The following FAM227B variants were observed in gnomAD, a reference collection of about 807,000 sequenced individuals.
FAM227B encodes protein FAM227B.
Under a neutral mutation model 73.8 loss-of-function variants are expected in FAM227B, and 88 were observed. The ratio of observed to expected loss-of-function variants is 1.19; its 90% confidence interval spans 1.00 to 1.42. FAM227B has a LOEUF of 1.42. Among genes scored for constraint, FAM227B ranks in the 40% most tolerant of loss-of-function variants. The pLI is 0.00. For missense variants in FAM227B, 632 were observed against 590.9 expected, an observed-to-expected ratio of 1.07 and a Z score of -0.72; for synonymous variants, 210 against 190.5, an observed-to-expected ratio of 1.10 and a Z score of -0.84.
At chr15:49,420,109 G>C (rs1461360585) in intron 11 of FAM227B, among the ~76,000 whole-genome samples, 1 of 152,154 alleles carries the variant, frequency 6.6e-6, no homozygotes, top group Non-Finnish European at 1.5e-5. Flanking sequence ...CACAACCTCT[G>C]TGGAGGATAA....
At chr15:49,545,813 T>G (rs971424982) in intron 9 of FAM227B, among the ~76,000 whole-genome samples, 8 of 152,146 alleles carry the variant, frequency 5.3e-5, no homozygotes, top group African/African-American at 1.9e-4. Flanking sequence ...AGGGTTCCTT[T>G]TGGAGTAATT....
chr15:49,587,886 G>A, intron 5 of FAM227B, 130 bp downstream of exon 5: 1 of 786,704 alleles, frequency 1.3e-6, no homozygotes. Flanking sequence ...AAAACATAGA[G>A]ATAGATTGGT....
chr15:49,465,150 G>A (rs1387551400), intron 11 of FAM227B, among the ~76,000 whole-genome samples: 1 of 151,960 alleles, frequency 6.6e-6, no homozygotes, highest in African/African-American at 2.4e-5. Context: ...TATTTTTTGA[G>A]ATGGAGTCTC....
chr15:49,488,657 T>C (rs2056613784), intron 11 of FAM227B: 1 of 152,080 alleles, frequency 6.6e-6, no homozygotes, highest in Non-Finnish European at 1.5e-5. Flanking sequence ...ATTCTAATAA[T>C]TGAAATGTGA....
intron 11 of FAM227B, among the ~76,000 whole-genome samples, chr15:49,498,101 C>A (rs1339476101): frequency 6.6e-6 from 1 of 152,202 alleles, no homozygotes; most frequent in Non-Finnish European, 1.5e-5. Context: ...GCTATGGTAA[C>A]TCTCATAAGT....
In FAM227B at chr15:49,496,086, T is replaced by C. The variant is rs1012377133; in HGVS notation, c.1012+12125A>G. Among the ~76,000 whole-genome samples the C allele has an allele frequency of 5.9e-5, 9 of 152,232 alleles. No homozygotes were observed. In the South Asian group the frequency reaches 1.0e-3, roughly 18 times the overall value. ...AATCCAAGTAGCTCTTTATAACATA[T>C]GGAATCCTAAAGCATCTGGCTATTA... On this transcript the variant is annotated intron_variant, in intron 11 of 15. Transcript: ENST00000299338.
chr15:49,563,119 GTAAGACTGA>G (rs2074385545), intron 9 of FAM227B, among the ~76,000 whole-genome samples: 1 of 152,064 alleles, frequency 6.6e-6, no homozygotes, highest in Non-Finnish European at 1.5e-5. Flanking sequence ...CAAAAGGTCT[GTAAGACTGA>G]TAAACAACTC....
chr15:49,618,111 T>C (rs548585968), intron 1 of FAM227B, among the ~76,000 whole-genome samples: 33 of 152,292 alleles, frequency 2.2e-4, no homozygotes, highest in African/African-American at 7.0e-4. Context: ...ACATATGCAG[T>C]TCCTTTTGCC....
chr15:49,356,242 T>G (rs2043148018), intron 13 of FAM227B, among the ~76,000 whole-genome samples: 1 of 150,130 alleles, frequency 6.7e-6, no homozygotes. Context: ...ACATAACAAT[T>G]TAAATGTAAA....
chr15:49,395,430 C>T (rs1023150277), intron 11 of FAM227B, among the ~76,000 whole-genome samples: 2 of 152,128 alleles, frequency 1.3e-5, no homozygotes, highest in Non-Finnish European at 1.5e-5. Context: ...GGCTAAAATT[C>T]TAGAGGGAAG....
intron 4 of FAM227B, among the ~76,000 whole-genome samples, chr15:49,588,840 A>G (rs899677155): frequency 2.6e-5 from 4 of 151,234 alleles, no homozygotes; most frequent in Non-Finnish European, 4.4e-5. Flanking sequence ...TTAAATATGA[A>G]AATTTTTAAA....
At position 49,598,583 on chromosome 15, in the gene FAM227B, C is replaced by G. The variant is rs934756511; in HGVS notation, c.106-8576G>C. ...TATTGATTATGATGTTAGATGTGGG[C>G]TTTCATATACGGTCCTTATAATCTC... is the stretch of plus-strand genomic sequence containing the variant. On this transcript the variant is annotated intron_variant, in intron 3 of 15. Transcript: ENST00000299338. Among the ~76,000 whole-genome samples, 4 of 151,930 alleles carry G rather than the reference C, an allele frequency of 2.6e-5. 1 individual carries two copies. The highest frequency in any genetic ancestry group is 5.9e-5 in the Non-Finnish European group (4 of 67,882).
chr15:49,580,489 G>C (rs1375439154), intron 5 of FAM227B, among the ~76,000 whole-genome samples: 1 of 152,104 alleles, frequency 6.6e-6, no homozygotes, highest in East Asian at 1.9e-4. Flanking sequence ...AAAGCCAATT[G>C]ACTACACTCA....
chr15:49,577,887 A>G (rs1431140525), intron 5 of FAM227B, among the ~76,000 whole-genome samples: 1 of 152,208 alleles, frequency 6.6e-6, no homozygotes, highest in Non-Finnish European at 1.5e-5. Context: ...TACATATACA[A>G]ACAAAACAAA....
chr15:49,441,118 T>C (rs1262516467), intron 11 of FAM227B, among the ~76,000 whole-genome samples: 1 of 151,684 alleles, frequency 6.6e-6, no homozygotes, highest in African/African-American at 2.4e-5. Flanking sequence ...TGGGATTTGA[T>C]TGGGTAGAAC....
At chr15:49,422,631 T>C in intron 11 of FAM227B, 3 of 1,101,094 alleles carry the variant, frequency 2.7e-6, no homozygotes, top group Non-Finnish European at 4.0e-6. Flanking sequence ...GCTGAGACTC[T>C]GGAACAGCAG....
intron 11 of FAM227B, among the ~76,000 whole-genome samples, chr15:49,427,880 C>T (rs2050261865): frequency 6.6e-6 from 1 of 151,930 alleles, no homozygotes; most frequent in South Asian, 2.1e-4. Flanking sequence ...GTGGATGTGA[C>T]TGCTCATGTC....
rs974287626 is a variant in FAM227B, at chr15:49,345,813, AG to A, written c.1272-10318del. Reference sequence around the variant, plus strand: ...TAATCACAGAATATTAGAGAAACAAAGGGTTTTGGAAATTGTAGGATCCAAT... The same window carrying A: ...TAATCACAGAATATTAGAGAAACAAAGGTTTTGGAAATTGTAGGATCCAAT... On this transcript the variant is annotated intron_variant, in intron 13 of 15. Coordinates refer to ENST00000299338, the MANE Select transcript of FAM227B (RefSeq NM_152647.3). Among the ~76,000 whole-genome samples the A allele has an allele frequency of 1.1e-4, 17 of 152,258 alleles. No individual in the cohort carries two copies. The East Asian group carries it at 1.9e-3, about 17-fold the overall frequency.
chr15:49,561,117 A>G (rs543249169), intron 9 of FAM227B, among the ~76,000 whole-genome samples: 2 of 152,268 alleles, frequency 1.3e-5, no homozygotes, highest in East Asian at 1.9e-4. Flanking sequence ...TTATCTATCT[A>G]CTTTCCTCAA....
Sources: allele counts gnomAD v4.1 joint callset (sites outside exome capture counted in the v4.1 genomes callset), GRCh38; gene constraint gnomAD v4.1.1; transcripts MANE v1.5; gene names NCBI Gene and HGNC (gene_info 2026-07-23, HGNC 2026-07-21).